Variants in DHRS4L2 observed in about 807,000 individuals in gnomAD.
DHRS4L2 encodes the protein dehydrogenase/reductase SDR family member 4-like 2.
Under a neutral mutation model 23.9 loss-of-function variants are expected in DHRS4L2, and 22 were observed. The observed-to-expected ratio is 0.92, with a 90% CI of 0.66 to 1.31. The LOEUF (loss-of-function observed/expected upper bound fraction) is 1.31, where lower values mean the gene tolerates loss of function less well. Among genes scored for constraint, DHRS4L2 ranks in the 40% most tolerant of loss-of-function variants. The probability of loss-of-function intolerance (pLI) is 0.00; values close to 1 mark genes in which losing one functional copy is unlikely to be tolerated. For missense variants in DHRS4L2, 385 were observed against 303.3 expected, an observed-to-expected ratio of 1.27 and a Z score of -2.00; for synonymous variants, 141 against 123.7, an observed-to-expected ratio of 1.14 and a Z score of -0.93.
chr14:23,976,003 C>T (rs963057056), intron 1 of DHRS4L2, among the ~76,000 whole-genome samples: 2 of 151,044 alleles, frequency 1.3e-5, no homozygotes, highest in African/African-American at 4.9e-5. Flanking sequence ...CCATAAAAAC[C>T]CTAGAAGAAA....
At chr14:24,002,018 A>T (rs1393515378) in intron 6 of DHRS4L2, among the ~76,000 whole-genome samples, 2 of 66,230 alleles carry the variant, frequency 3.0e-5, no homozygotes, top group Admixed American at 1.8e-4. Flanking sequence ...TTTAGGGTAC[A>T]TGTGCACATT....
At chr14:23,992,000 G>T (rs1386985841) in intron 2 of DHRS4L2, among the ~76,000 whole-genome samples, 1 of 151,562 alleles carries the variant, frequency 6.6e-6, no homozygotes, top group African/African-American at 2.4e-5. Flanking sequence ...CTCTCAAAGT[G>T]CTGGGATTAC....
intron 1 of DHRS4L2, among the ~76,000 whole-genome samples, chr14:23,977,499 G>T (rs553272556): frequency 6.6e-6 from 1 of 151,716 alleles, no homozygotes; most frequent in South Asian, 2.1e-4. Flanking sequence ...TAAGGGAGTA[G>T]AGCAGCAGGT....
chr14:24,006,046 G>A lies in DHRS4L2; in HGVS notation c.*183G>A. The A allele has an allele frequency of 1.9e-6, 3 of 1,599,092 alleles. No individual in the cohort carries two copies. Among genetic ancestry groups the A allele is most frequent in the Non-Finnish European group, 2.6e-6 (3 of 1,173,888 alleles). The stretch of plus-strand genomic sequence containing the variant: ...GGCCAGAGTTGGGCTCTAGCTCCTG[G>A]TGCTGTTCCTGCATTCACCCACTGG... On this transcript the variant is annotated 3_prime_UTR_variant, in exon 8 of 8. Coordinates refer to ENST00000335125, the MANE Select transcript of DHRS4L2 (RefSeq NM_198083.4).
At chr14:23,984,333 G>A (rs1489876218), upstream of DHRS4L2, among the ~76,000 whole-genome samples, 1 of 151,518 alleles carries the variant, frequency 6.6e-6, no homozygotes. Flanking sequence ...ATGAACAGAT[G>A]TGTTGATTTG....
At chr14:23,978,045 C>T (rs1263811201) in intron 1 of DHRS4L2, among the ~76,000 whole-genome samples, 1 of 151,616 alleles carries the variant, frequency 6.6e-6, no homozygotes, top group Non-Finnish European at 1.5e-5. Context: ...TCCAGATGGT[C>T]CATCCTCACA....
upstream of DHRS4L2, among the ~76,000 whole-genome samples, chr14:23,984,860 C>G (rs990664804): frequency 5.1e-5 from 7 of 136,150 alleles, no homozygotes; most frequent in South Asian, 2.4e-4. Flanking sequence ...GTGGACTGAA[C>G]AAAAGAAGAT....
At chr14:23,969,920 C>G (rs1295959227) in exon 1 of DHRS4L2, 2 of 446,280 alleles carry the variant, frequency 4.5e-6, no homozygotes, top group African/African-American at 4.0e-5. Context: ...GCCCGCGCTC[C>G]AAGGCCCGGT....
upstream of DHRS4L2, among the ~76,000 whole-genome samples, chr14:23,985,576 A>G (rs181442843): frequency 6.6e-6 from 1 of 151,790 alleles, no homozygotes; most frequent in East Asian, 1.9e-4. Flanking sequence ...GCCCTCAATC[A>G]TGGAGGCATT....
chr14:24,001,275 GC>G (rs2034482976), intron 5 of DHRS4L2, 108 bp from the exon 6 acceptor site: 1 of 1,563,944 alleles, frequency 6.4e-7, no homozygotes, highest in African/African-American at 1.5e-5. Context: ...TCCTAACTCT[GC>G]CCCTCCCTTA....
intron 1 of DHRS4L2, among the ~76,000 whole-genome samples, chr14:23,971,201 T>A (rs576274029): frequency 6.6e-6 from 1 of 152,102 alleles, no homozygotes; most frequent in Admixed American, 6.5e-5. Flanking sequence ...AACAAACTAC[T>A]CCCAGCTAAA....
chr14:23,975,086 G>A (rs1291354339), intron 1 of DHRS4L2, among the ~76,000 whole-genome samples: 2 of 151,714 alleles, frequency 1.3e-5, no homozygotes, highest in African/African-American at 4.8e-5. Flanking sequence ...TCTGGCCAGG[G>A]CAATCAGGCA....
intron 6 of DHRS4L2, among the ~76,000 whole-genome samples, chr14:24,004,047 G>A (rs1445775491): frequency 8.4e-5 from 11 of 131,684 alleles, no homozygotes; most frequent in African/African-American, 3.8e-4. Context: ...GAGGCGGGCA[G>A]ATCACGAGGT....
At position 24,004,258 on chromosome 14, in the gene DHRS4L2, G is replaced by C. The variant is rs1213072371; in HGVS notation, c.666-79G>C. 28 of 1,411,858 alleles carry C rather than the reference G, an allele frequency of 2.0e-5. 1 individual carries two copies. The South Asian group carries it at 3.3e-4, about 17-fold the overall frequency. 87.5% of individuals were successfully genotyped at this position (1,411,858 alleles called of 1,614,324 possible). On this transcript the variant is annotated intron_variant, in intron 6 of 7. Transcript: ENST00000335125. ...CAGTCCGGCCTGGGCAAAAGAGCAA[G>C]ACTCCGTCTCTAAAAAAAAAAAAAA...
At chr14:23,986,624 CT>C (rs1387161218), upstream of DHRS4L2, among the ~76,000 whole-genome samples, 1 of 151,630 alleles carries the variant, frequency 6.6e-6, no homozygotes, top group Non-Finnish European at 1.5e-5. Context: ...CCACAATTCT[CT>C]TTTCCCAGAA....
chr14:23,993,641 T>C (rs1268224207), intron 2 of DHRS4L2, among the ~76,000 whole-genome samples: 1 of 151,706 alleles, frequency 6.6e-6, no homozygotes, highest in Non-Finnish European at 1.5e-5. Context: ...CGCCTCACTA[T>C]CTACTTATAA....
Position 24,005,845 on chromosome 14 carries a change from G to C in DHRS4L2, c.*23-41G>C, listed in dbSNP as rs752943717. ...TGTCCCAGGTGAGGGAGGCAGACCC[G>C]TTTGATTTTTACCTCCTTCCTTGCT... On this transcript the variant is annotated intron_variant, in intron 7 of 7. Coordinates refer to ENST00000335125, the MANE Select transcript of DHRS4L2 (RefSeq NM_198083.4). 35 of 1,609,170 alleles carry C rather than the reference G, an allele frequency of 2.2e-5. No individual in the cohort carries two copies. In the Admixed American group the frequency reaches 4.0e-4, roughly 19 times the overall value.
intron 1 of DHRS4L2, among the ~76,000 whole-genome samples, chr14:23,971,328 A>C (rs2033854315): frequency 6.6e-6 from 1 of 152,108 alleles, no homozygotes; most frequent in South Asian, 2.1e-4. Flanking sequence ...GGAGCTGATA[A>C]CCACAGTACA....
At chr14:23,978,939 C>T (rs939586821) in intron 1 of DHRS4L2, among the ~76,000 whole-genome samples, 5 of 144,494 alleles carry the variant, frequency 3.5e-5, no homozygotes, top group African/African-American at 1.3e-4. Flanking sequence ...CAAATTCACA[C>T]ATAACAATAT....
Sources: gnomAD v4.1 joint callset for allele counts (sites outside exome capture counted in the v4.1 genomes callset) on GRCh38, gnomAD v4.1.1 for gene constraint, MANE v1.5 for transcripts, NCBI Gene and HGNC (gene_info 2026-07-23, HGNC 2026-07-21) for gene names.